SMOC2: variants seen among roughly 807,000 people sequenced by gnomAD.
The protein encoded by SMOC2 is SPARC-related modular calcium-binding protein 2.
In SMOC2, 39 loss-of-function variants were observed where a neutral mutation model predicts 61.4. The ratio of observed to expected loss-of-function variants is 0.64; its 90% CI spans 0.49 to 0.83. SMOC2 has a LOEUF of 0.83. Ranked by LOEUF, SMOC2 falls within the 40% of genes least tolerant of loss-of-function variation. The pLI, the probability that SMOC2 is intolerant of heterozygous loss-of-function variation, is 0.00. For synonymous variants in SMOC2, 247 were observed against 239.9 expected (o/e 1.03, Z -0.27); for missense variants, 556 against 592.9 (o/e 0.94, Z 0.65).
In SMOC2 at chr6:168,521,823, C is replaced by T. The variant is rs143770090; in HGVS notation, c.257-4523C>T. On this transcript the variant is annotated intron_variant, in intron 2 of 12. Transcript: ENST00000356284. ...TCAGGAGGTTGAAGCTGCAGTGAGCCGTGATGGCACCACTGCCCTCCAGCC... is the reference window on the plus strand; with the variant it reads ...TCAGGAGGTTGAAGCTGCAGTGAGCTGTGATGGCACCACTGCCCTCCAGCC... Among the ~76,000 whole-genome samples, 152 of 152,248 alleles carry T rather than the reference C, an allele frequency of 1.0e-3. 4 individuals are homozygous for T. The South Asian group carries it at 0.028, about 28-fold the overall frequency.
rs566078323 is a variant in SMOC2 at position 168,535,290 on chromosome 6, A to C, written c.463+7563A>C. The stretch of plus-strand genomic sequence containing the variant: ...CAGCCTCCAGAGATATTTTATGTAC[A>C]TAAAAACAAGTATATTATTTTTTCT... On this transcript the variant is annotated intron_variant, in intron 4 of 12. Coordinates refer to ENST00000356284, the MANE Select transcript of SMOC2 (RefSeq NM_001166412.2). This position sits in a 1 kb window ranked among gnomAD's most constrained non-coding sequence, Gnocchi z 4.6. Among the ~76,000 whole-genome samples, 1 of 152,294 alleles carries C rather than the reference A, an allele frequency of 6.6e-6. No individual in the cohort carries two copies. The highest frequency in any genetic ancestry group is 2.1e-4 in the South Asian group (1 of 4,816).
chr6:168,549,313 T>C (rs1784078099), intron 7 of SMOC2, 110 bp downstream of exon 7: 3 of 978,562 alleles, frequency 3.1e-6, no homozygotes, highest in Non-Finnish European at 4.8e-6. Context: ...TTGAACAACA[T>C]GGGGGTGAGG....
intron 9 of SMOC2, among the ~76,000 whole-genome samples, chr6:168,635,765 GGAGGCT>G (rs1786699708): frequency 6.6e-6 from 1 of 151,922 alleles, no homozygotes; most frequent in Non-Finnish European, 1.5e-5. Context: ...CAGCTACTTG[GGAGGCT>G]GAGGCATGAG....
intron 1 of SMOC2, among the ~76,000 whole-genome samples, chr6:168,483,637 C>G (rs935778856): frequency 1.8e-4 from 27 of 152,196 alleles, no homozygotes; most frequent in African/African-American, 5.8e-4. Flanking sequence ...GGGACACTGA[C>G]TAGACAAAAT....
At position 168,600,433 on chromosome 6, in the gene SMOC2, AC is replaced by A. The variant is rs58140150; in HGVS notation, c.824+1430del. Among the ~76,000 whole-genome samples the A allele has an allele frequency of 9.2e-3, 448 of 48,672 alleles. 52 individuals are homozygous for A. Among genetic ancestry groups the A allele is most frequent in the East Asian group, 0.012 (23 of 1,874 alleles). 31.9% of individuals were successfully genotyped at this position (48,672 alleles called of 152,430 possible). A position where few individuals can be genotyped will look rare whatever the true frequency, so the allele number is the denominator to read the frequency against. Reference sequence around the variant, plus strand: ...AAAAAAAAAAAAAACAAAAAAAAAAACAAAAAAAAAAACAGTAGTTTCAACT... The same window carrying A: ...AAAAAAAAAAAAAACAAAAAAAAAAAAAAAAAAAAAACAGTAGTTTCAACT... On this transcript the variant is annotated intron_variant, in intron 8 of 12. Transcript: ENST00000356284.
At chr6:168,659,517 G>T (rs1455386363) in intron 11 of SMOC2, among the ~76,000 whole-genome samples, 7 of 70,470 alleles carry the variant, frequency 9.9e-5, no homozygotes, top group Admixed American at 1.4e-4. Flanking sequence ...GGTGGAGGTT[G>T]TAGGTTGGGT....
chr6:168,454,759 T>G (rs1020739700), intron 1 of SMOC2, among the ~76,000 whole-genome samples: 1 of 152,058 alleles, frequency 6.6e-6, no homozygotes. Flanking sequence ...GATTTGGAGG[T>G]GAGCTTACAA....
intron 8 of SMOC2, among the ~76,000 whole-genome samples, chr6:168,605,868 T>G (rs796765630): frequency 2.6e-5 from 4 of 152,136 alleles, no homozygotes; most frequent in African/African-American, 9.6e-5. Flanking sequence ...AGAAGCAAGA[T>G]GGCCCCTAAG....
At chr6:168,517,640 G>A (rs959302229) in intron 2 of SMOC2, among the ~76,000 whole-genome samples, 1 of 152,194 alleles carries the variant, frequency 6.6e-6, no homozygotes, top group Admixed American at 6.5e-5. Flanking sequence ...CCGTCCACGC[G>A]CTCTGCTCCT....
intron 9 of SMOC2, among the ~76,000 whole-genome samples, chr6:168,614,514 A>AT (rs1785998928): frequency 2.7e-5 from 1 of 36,964 alleles, no homozygotes; most frequent in African/African-American, 1.3e-4. Context: ...CAGCCAGCAC[A>AT]GGGCCTCTTC....
At chr6:168,503,234 T>C (rs924164034) in intron 1 of SMOC2, among the ~76,000 whole-genome samples, 1 of 151,860 alleles carries the variant, frequency 6.6e-6, no homozygotes. Context: ...CCCACCACCA[T>C]GCCCAGCTAA....
At chr6:168,573,710 CCT>C (rs923683043) in intron 7 of SMOC2, among the ~76,000 whole-genome samples, 1 of 152,136 alleles carries the variant, frequency 6.6e-6, no homozygotes, top group Admixed American at 6.5e-5. Flanking sequence ...GCCTCAGGAC[CCT>C]GTCTCCCCAG....
At chr6:168,549,879 A>G (rs183408978) in intron 7 of SMOC2, among the ~76,000 whole-genome samples, 1 of 152,350 alleles carries the variant, frequency 6.6e-6, no homozygotes, top group Admixed American at 6.5e-5. Flanking sequence ...TTTGCTTTTG[A>G]CCTAATTTCA....
At chr6:168,547,000 T>C (rs766087875) in intron 5 of SMOC2, 119 bp from the exon 6 acceptor site, 34 of 1,191,092 alleles carry the variant, frequency 2.9e-5, no homozygotes, top group Non-Finnish European at 4.3e-5. Flanking sequence ...GTGGGGTTGC[T>C]GTTGTGGTTG....
At chr6:168,521,153 T>A (rs1055250573) in intron 2 of SMOC2, among the ~76,000 whole-genome samples, 1 of 151,924 alleles carries the variant, frequency 6.6e-6, no homozygotes, top group African/African-American at 2.4e-5. Flanking sequence ...ATGACATATC[T>A]TTTTTTTTCT....
intron 7 of SMOC2, among the ~76,000 whole-genome samples, chr6:168,564,002 G>A (rs61002084): frequency 0.029 from 4,409 of 152,188 alleles, 228 homozygotes; most frequent in African/African-American, 0.1. Flanking sequence ...GGGTGGGTGG[G>A]GCCTTGGAGA....
chr6:168,634,865 C>T (rs1455521802), intron 9 of SMOC2, among the ~76,000 whole-genome samples: 1 of 152,172 alleles, frequency 6.6e-6, no homozygotes, highest in Non-Finnish European at 1.5e-5. Context: ...CTTTTAGTTA[C>T]TTTCTAAGCA....
intron 1 of SMOC2, among the ~76,000 whole-genome samples, chr6:168,484,899 AAAG>A (rs1204405592): frequency 6.6e-6 from 1 of 152,218 alleles, no homozygotes; most frequent in African/African-American, 2.4e-5. Flanking sequence ...TAGAGTCAAC[AAAG>A]TCATAGAGAC....
intron 9 of SMOC2, 112 bp downstream of exon 9, chr6:168,608,351 G>A (rs1216240711): frequency 1.3e-5 from 15 of 1,199,552 alleles, no homozygotes; most frequent in Middle Eastern, 2.1e-4. Context: ...GGGCCTGTCT[G>A]ACTCTGAGGC....
Sources: gnomAD v4.1 joint callset for allele counts (sites outside exome capture counted in the v4.1 genomes callset) on GRCh38, gnomAD v4.1.1 for gene constraint, Gnocchi (gnomAD v3.1) non-coding constraint, MANE v1.5 for transcripts, NCBI Gene and HGNC (gene_info 2026-07-23, HGNC 2026-07-21) for gene names.